CSMD1: variants seen among roughly 807,000 people sequenced by gnomAD.
CSMD1 encodes CUB and sushi domain-containing protein 1.
In CSMD1, 213 loss-of-function variants were observed where a neutral mutation model predicts 417.5. The ratio of observed to expected loss-of-function variants is 0.51; its 90% CI spans 0.46 to 0.57. CSMD1 has a LOEUF of 0.57. CSMD1 is among the 20% of genes least tolerant of loss of function. The pLI, the probability that CSMD1 is intolerant of heterozygous loss-of-function variation, is 0.00. For synonymous variants in CSMD1, 2,862 were observed against 1,736.8 expected, an observed-to-expected ratio of 1.65 and a Z score of -16.11; for missense variants, 6,923 against 4,529.7, an observed-to-expected ratio of 1.53 and a Z score of -15.17.
At chr8:4,225,963 G>C (rs891110968) in intron 3 of CSMD1, among the ~76,000 whole-genome samples, 1 of 151,910 alleles carries the variant, frequency 6.6e-6, no homozygotes, top group African/African-American at 2.4e-5. Flanking sequence ...TTCATGTTGA[G>C]TTATTTGATA....
At chr8:3,927,681 A>T (rs1018246215) in intron 5 of CSMD1, among the ~76,000 whole-genome samples, 2 of 152,136 alleles carry the variant, frequency 1.3e-5, no homozygotes, top group African/African-American at 4.8e-5. Context: ...CTCAAAATAG[A>T]AAAGAAAAGA....
At chr8:3,778,282 G>C (rs1404977045) in intron 5 of CSMD1, among the ~76,000 whole-genome samples, 5 of 152,210 alleles carry the variant, frequency 3.3e-5, no homozygotes, top group African/African-American at 9.7e-5. Context: ...CCTGTCAGTA[G>C]TTTACCATTT....
At chr8:4,544,072 G>A (rs1207426810) in intron 2 of CSMD1, among the ~76,000 whole-genome samples, 2 of 152,056 alleles carry the variant, frequency 1.3e-5, no homozygotes. Flanking sequence ...CCAGTCTGTG[G>A]CTTGCCTTTT....
chr8:3,085,240 T>C (rs548900435), intron 49 of CSMD1, among the ~76,000 whole-genome samples: 93 of 152,282 alleles, frequency 6.1e-4, no homozygotes, highest in African/African-American at 2.1e-3. Flanking sequence ...AACTGGATTG[T>C]TTTTAAGATC....
chr8:3,202,816 A>G (rs1331019320), intron 31 of CSMD1, among the ~76,000 whole-genome samples: 2 of 152,220 alleles, frequency 1.3e-5, no homozygotes, highest in African/African-American at 4.8e-5. Context: ...CCATACACAC[A>G]TATCTAATAT....
Position 4,428,944 on chromosome 8 carries a change from C to G in CSMD1, c.303-8879G>C, listed in dbSNP as rs542162482. Reference sequence around the variant, plus strand: ...GGCCAGGCTGGTCTCAGATTCCTGACTTGAAGTGATCCACCTGCCTCATCC... The same window carrying G: ...GGCCAGGCTGGTCTCAGATTCCTGAGTTGAAGTGATCCACCTGCCTCATCC... On this transcript the variant is annotated intron_variant, in intron 2 of 69. Coordinates refer to ENST00000635120, the MANE Select transcript of CSMD1 (RefSeq NM_033225.6). Among the ~76,000 whole-genome samples, 9 of 152,142 alleles carry G rather than the reference C, an allele frequency of 5.9e-5. No homozygotes were observed. The East Asian group carries it at 7.8e-4, about 13-fold the overall frequency.
chr8:4,994,641 G>A lies in CSMD1; in HGVS notation c.-225C>T, dbSNP rs1459613322. 2 of 457,442 alleles carry A rather than the reference G, an allele frequency of 4.4e-6. No homozygotes were observed. 28.3% of individuals were successfully genotyped at this position (457,442 alleles called of 1,614,324 possible). A position where few individuals can be genotyped will look rare whatever the true frequency, so the allele number is the denominator to read the frequency against. ...TGCAGGGCTGAGCTGCTCCGAGCGC[G>A]GAGACCCGGGCTGGCGGGGCCGGGG... On this transcript the variant is annotated 5_prime_UTR_variant, in exon 1 of 70. Coordinates refer to ENST00000635120, the MANE Select transcript of CSMD1 (RefSeq NM_033225.6).
intron 6 of CSMD1, among the ~76,000 whole-genome samples, chr8:3,737,898 A>G (rs1664775927): frequency 6.6e-6 from 1 of 152,222 alleles, no homozygotes; most frequent in Non-Finnish European, 1.5e-5. Flanking sequence ...AATTCCCTCA[A>G]ACTCTGACTT....
chr8:4,626,714 C>G (rs1802140743), intron 2 of CSMD1, among the ~76,000 whole-genome samples: 1 of 152,032 alleles, frequency 6.6e-6, no homozygotes, highest in South Asian at 2.1e-4. Flanking sequence ...CCCATCCTGA[C>G]CTACCCTTCA....
chr8:3,077,338 T>A (rs1813755972), intron 49 of CSMD1, among the ~76,000 whole-genome samples: 1 of 152,156 alleles, frequency 6.6e-6, no homozygotes, highest in Non-Finnish European at 1.5e-5. Context: ...GCCTGGGGAC[T>A]GAGCCCTGAA....
intron 41 of CSMD1, among the ~76,000 whole-genome samples, chr8:3,139,174 T>C (rs1388367664): frequency 6.6e-6 from 1 of 152,178 alleles, no homozygotes; most frequent in African/African-American, 2.4e-5. Context: ...CATTGTGTCC[T>C]GGCGCTTGCA....
intron 3 of CSMD1, among the ~76,000 whole-genome samples, chr8:4,401,371 C>A (rs1209813918): frequency 6.6e-6 from 1 of 152,132 alleles, no homozygotes; most frequent in Non-Finnish European, 1.5e-5. Context: ...ATTTTATTCA[C>A]CAAAGAGGTG....
intron 3 of CSMD1, among the ~76,000 whole-genome samples, chr8:4,045,030 T>G (rs2740902): frequency 0.72 from 109,901 of 152,114 alleles, 39,889 homozygotes; most frequent in South Asian, 0.8. Flanking sequence ...AATCTTCCAG[T>G]TTTACAAAGC....
chr8:4,946,232 G>T (rs916272696), intron 1 of CSMD1, among the ~76,000 whole-genome samples: 1 of 152,174 alleles, frequency 6.6e-6, no homozygotes, highest in Non-Finnish European at 1.5e-5. Flanking sequence ...TCCCTGTCTT[G>T]TTACGTTCTC....
intron 3 of CSMD1, among the ~76,000 whole-genome samples, chr8:4,412,444 G>A (rs546633728): frequency 3.4e-4 from 52 of 152,248 alleles, no homozygotes; most frequent in Non-Finnish European, 2.2e-4. Context: ...GCTTCCCGAG[G>A]CCTCAACAGA....
At chr8:4,085,691 A>G (rs751017240) in intron 3 of CSMD1, among the ~76,000 whole-genome samples, 1 of 152,184 alleles carries the variant, frequency 6.6e-6, no homozygotes. Flanking sequence ...ATGCTCTAAT[A>G]TGATCCCAAA....
chr8:4,941,676 G>A (rs1454549795), intron 1 of CSMD1, among the ~76,000 whole-genome samples: 1 of 151,384 alleles, frequency 6.6e-6, no homozygotes, highest in African/African-American at 2.4e-5. Flanking sequence ...ACAGCTCTCT[G>A]CAGCCTCGAT....
chr8:3,358,143 T>C (rs965016104), intron 21 of CSMD1, among the ~76,000 whole-genome samples: 2 of 152,178 alleles, frequency 1.3e-5, no homozygotes, highest in African/African-American at 4.8e-5. Context: ...TTATATGGAC[T>C]GTTAAATTTT....
intron 3 of CSMD1, among the ~76,000 whole-genome samples, chr8:4,060,966 G>C (rs192841932): frequency 8.5e-5 from 13 of 152,344 alleles, no homozygotes; most frequent in Middle Eastern, 6.8e-3. Context: ...GTGGAGGAAA[G>C]AGATAAGACA....
Sources: allele counts gnomAD v4.1 joint callset (sites outside exome capture counted in the v4.1 genomes callset), GRCh38; gene constraint gnomAD v4.1.1; transcripts MANE v1.5; gene names NCBI Gene and HGNC (gene_info 2026-07-23, HGNC 2026-07-21).